Variants in CYP4F2 observed in about 807,000 individuals in gnomAD.
CYP4F2 encodes cytochrome P450 4F2.
CYP4F2 carries 58 observed loss-of-function variants against 58.9 expected under a neutral mutation model. The ratio of observed to expected loss-of-function variants is 0.98; its 90% CI spans 0.80 to 1.23. CYP4F2 has a LOEUF of 1.23. Ranked by LOEUF, CYP4F2 falls within the 50% of genes most tolerant of loss-of-function variation. CYP4F2 has a pLI of 0.00. For missense variants in CYP4F2, 616 were observed against 685.6 expected (o/e 0.90, Z 1.13); for synonymous variants, 287 against 261.1 (o/e 1.10, Z -0.95).
intron 9 of CYP4F2, among the ~76,000 whole-genome samples, chr19:15,881,731 A>G (rs1442481176): frequency 6.6e-6 from 1 of 152,132 alleles, no homozygotes; most frequent in African/African-American, 2.4e-5. Flanking sequence ...ATCTGTTCTT[A>G]TCACTGGTTT....
At position 15,892,594 on chromosome 19, in the gene CYP4F2, GA is replaced by G. The variant is rs748358782; in HGVS notation, c.344-13del. The G allele has an allele frequency of 1.3e-5, 21 of 1,613,080 alleles. No homozygotes were observed. The African/African-American group carries it at 2.7e-4, about 20-fold the overall frequency. On this transcript the variant is annotated splice_polypyrimidine_tract_variant and intron_variant, in intron 3 of 12. Transcript: ENST00000221700. ...TGGTGCAATGGCAGCTGACATAAAT[GA>G]GGACAATCAGGGGCCATGGAGGCAG...
chr19:15,881,275 A>G (rs1482345835), intron 9 of CYP4F2, among the ~76,000 whole-genome samples: 1 of 152,250 alleles, frequency 6.6e-6, no homozygotes, highest in African/African-American at 2.4e-5. Flanking sequence ...CTGAATAAAT[A>G]AGGAATAAAA....
intron 7 of CYP4F2, among the ~76,000 whole-genome samples, chr19:15,888,355 GAC>G (rs1206892155): frequency 6.7e-6 from 1 of 149,238 alleles, no homozygotes; most frequent in Non-Finnish European, 1.5e-5. Context: ...CATAGACACA[GAC>G]ACACACGCAC....
At chr19:15,889,143 A>C (rs539418772) in intron 7 of CYP4F2, among the ~76,000 whole-genome samples, 2 of 152,332 alleles carry the variant, frequency 1.3e-5, no homozygotes, top group South Asian at 4.1e-4. Context: ...CATAGACCAG[A>C]CATAGATATA....
At position 15,897,777 on chromosome 19, in the gene CYP4F2, C is replaced by A. The variant is rs1445057541; in HGVS notation, c.-1-165G>T. The A allele has an allele frequency of 2.3e-5, 18 of 776,372 alleles. No homozygotes were observed. In the East Asian group the frequency reaches 4.8e-4, roughly 21 times the overall value. The allele number at this position is 776,372 out of a possible 1,614,324, so 48.1% of individuals were successfully genotyped here. ...AGAGGTAAAGTCCAGAAAGGCCCAA[C>A]CAAAACCAGCAGCCAAGTGGCCTCC... is the stretch of plus-strand genomic sequence containing the variant. On this transcript the variant is annotated intron_variant, in intron 1 of 12. Transcript: ENST00000221700.
chr19:15,880,273 G>C (rs541105417), intron 9 of CYP4F2, among the ~76,000 whole-genome samples: 7 of 152,148 alleles, frequency 4.6e-5, no homozygotes, highest in African/African-American at 1.4e-4. Context: ...ATAAAGGATA[G>C]TAATGAAAAG....
rs766439936 is a variant in CYP4F2, at chr19:15,879,344, A to T, written c.1397+2T>A. On this transcript the variant is annotated splice_donor_variant, in intron 12 of 12. Transcript: ENST00000221700. LOFTEE classifies it high-confidence loss of function. Reference sequence around the variant, plus strand: ...CCCACCTCAGACACAGGCCGCCCTTACCTGGGCCCTGCCGAGAAGGGAATA... The same window carrying T: ...CCCACCTCAGACACAGGCCGCCCTTTCCTGGGCCCTGCCGAGAAGGGAATA... The T allele has an allele frequency of 6.2e-7, 1 of 1,614,010 alleles. No individual in the cohort carries two copies. Among genetic ancestry groups the T allele is most frequent in the South Asian group, 1.1e-5 (1 of 91,064 alleles).
At chr19:15,897,164 G>A (rs1368146689) in intron 2 of CYP4F2, among the ~76,000 whole-genome samples, 1 of 152,178 alleles carries the variant, frequency 6.6e-6, no homozygotes, top group Non-Finnish European at 1.5e-5. Context: ...CCCCGCAGAG[G>A]TGCATTAATG....
chr19:15,882,429 G>T (rs1192470922), intron 9 of CYP4F2, among the ~76,000 whole-genome samples: 2 of 152,146 alleles, frequency 1.3e-5, no homozygotes, highest in Non-Finnish European at 2.9e-5. Flanking sequence ...AGTGAACAAT[G>T]TATTAATTGA....
At chr19:15,887,101 A>T (rs903409972) in intron 7 of CYP4F2, among the ~76,000 whole-genome samples, 1 of 152,328 alleles carries the variant, frequency 6.6e-6, no homozygotes, top group African/African-American at 2.4e-5. Context: ...ATAGACACAG[A>T]CACAAACACA....
In CYP4F2 at chr19:15,894,751, C is replaced by CCCTG. The variant is rs2089438298; in HGVS notation, c.343+751_343+754dup. ...GTCTCTGTAGGATGCTGCCCATTCC[C>CCCTG]CCTGCTCAGCCTCGCCCGTCCAACG... is the stretch of plus-strand genomic sequence containing the variant. On this transcript the variant is annotated intron_variant, in intron 3 of 12. Transcript: ENST00000221700. Among the ~76,000 whole-genome samples the CCCTG allele has an allele frequency of 1.3e-5, 2 of 152,152 alleles. 1 individual carries two copies. Among genetic ancestry groups the CCCTG allele is most frequent in the South Asian group, 4.1e-4 (2 of 4,828 alleles).
chr19:15,896,062 A>G (rs2089445776), intron 2 of CYP4F2, among the ~76,000 whole-genome samples: 1 of 147,156 alleles, frequency 6.8e-6, no homozygotes. Flanking sequence ...TTATTTGTCT[A>G]TCTATCTATC....
chr19:15,892,456 C>A lies in CYP4F2; in HGVS notation c.398-20G>T, dbSNP rs756904293. On this transcript the variant is annotated intron_variant, in intron 4 of 12. Transcript: ENST00000221700. ...CATCCCCTAGCAGGGCAGCCAAGGG[C>A]CATGGGCAAGGACCTCTCCCTCCCC... The A allele has an allele frequency of 3.1e-6, 5 of 1,614,148 alleles. No homozygotes were observed. Among genetic ancestry groups the A allele is most frequent in the Non-Finnish European group, 4.2e-6 (5 of 1,179,996 alleles).
At position 15,883,857 on chromosome 19, in the gene CYP4F2, G is replaced by C. The variant is rs549103551; in HGVS notation, c.1115+2067C>G. On this transcript the variant is annotated intron_variant, in intron 9 of 12. Transcript: ENST00000221700. ...AGGCAGATCATGAGGTCAGGAGTTC[G>C]AGACCAGCCTGGCCAATATGGTGAA... Among the ~76,000 whole-genome samples, 4 of 152,178 alleles carry C rather than the reference G, an allele frequency of 2.6e-5. No individual in the cohort carries two copies. The East Asian group carries it at 5.8e-4, about 22-fold the overall frequency.
chr19:15,894,193 C>T (rs2365178), intron 3 of CYP4F2, among the ~76,000 whole-genome samples: 27,468 of 152,024 alleles, frequency 0.18, 2,652 homozygotes, highest in African/African-American at 0.24. Flanking sequence ...TCCCAGACCA[C>T]GGCAAGCCTG....
At chr19:15,886,481 A>C in intron 7 of CYP4F2, 173 bp from the exon 8 acceptor site, 1 of 728,662 alleles carries the variant, frequency 1.4e-6, no homozygotes, top group Non-Finnish European at 2.2e-6. Context: ...CAGAGCCCTC[A>C]CCTCATGGCC....
chr19:15,892,807 A>G (rs2089424879), intron 3 of CYP4F2, among the ~76,000 whole-genome samples: 1 of 152,174 alleles, frequency 6.6e-6, no homozygotes, highest in Admixed American at 6.5e-5. Context: ...CATGGCGTGT[A>G]GGAGCTATGT....
intron 9 of CYP4F2, 116 bp downstream of exon 9, chr19:15,885,808 A>G: frequency 6.8e-7 from 1 of 1,463,200 alleles, no homozygotes; most frequent in Non-Finnish European, 9.2e-7. Flanking sequence ...CTCTGCTCCT[A>G]TTCCCACTAG....
At chr19:15,881,941 A>G (rs2089348436) in intron 9 of CYP4F2, among the ~76,000 whole-genome samples, 1 of 152,222 alleles carries the variant, frequency 6.6e-6, no homozygotes, top group Non-Finnish European at 1.5e-5. Context: ...AAAATAGTCA[A>G]GCTCATAGAA....
Sources: gnomAD v4.1 joint callset for allele counts (sites outside exome capture counted in the v4.1 genomes callset) on GRCh38, gnomAD v4.1.1 for gene constraint, MANE v1.5 for transcripts, NCBI Gene and HGNC (gene_info 2026-07-23, HGNC 2026-07-21) for gene names.